The following THSD7B variants were observed in gnomAD, a reference collection of about 807,000 sequenced individuals.
THSD7B encodes thrombospondin type 1 domain containing 7B, also known as thrombospondin type-1 domain-containing protein 7B.
A neutral mutation model predicts 213.6 loss-of-function variants in THSD7B; 138 were observed. That is an observed-to-expected ratio of 0.65 (90% confidence interval 0.56 to 0.74). The LOEUF is 0.74. Among genes scored for constraint, THSD7B ranks in the 30% least tolerant of loss-of-function variants. The pLI, the probability that THSD7B is intolerant of heterozygous loss-of-function variation, is 0.00. For missense variants in THSD7B, 1,931 were observed against 1,991.5 expected, an observed-to-expected ratio of 0.97 and a Z score of 0.58; for synonymous variants, 742 against 687.0, an observed-to-expected ratio of 1.08 and a Z score of -1.25.
intron 9 of THSD7B, among the ~76,000 whole-genome samples, chr2:137,237,936 G>A (rs751416438): frequency 3.4e-4 from 52 of 152,150 alleles, no homozygotes; most frequent in Non-Finnish European, 6.5e-4. Flanking sequence ...AAAGCCCACA[G>A]TTCATTTCTT....
intron 3 of THSD7B, among the ~76,000 whole-genome samples, chr2:137,075,383 A>G (rs1266054078): frequency 1.3e-5 from 2 of 152,152 alleles, no homozygotes; most frequent in South Asian, 2.1e-4. Context: ...CGCATCAGCT[A>G]CTGAGGCTTC....
At chr2:137,067,345 C>T (rs1245441059) in intron 3 of THSD7B, among the ~76,000 whole-genome samples, 2 of 152,042 alleles carry the variant, frequency 1.3e-5, no homozygotes, top group Non-Finnish European at 2.9e-5. Context: ...CTTGGAGGTA[C>T]ACTGTGTTTG....
intron 2 of THSD7B, among the ~76,000 whole-genome samples, chr2:136,947,060 T>C (rs972949633): frequency 1.2e-4 from 18 of 152,076 alleles, no homozygotes; most frequent in Admixed American, 3.3e-4. Flanking sequence ...CACCCATCTT[T>C]TGCATCAATC....
intron 15 of THSD7B, among the ~76,000 whole-genome samples, chr2:137,464,974 T>C (rs1687963750): frequency 6.6e-6 from 1 of 152,072 alleles, no homozygotes; most frequent in Non-Finnish European, 1.5e-5. Flanking sequence ...TCCTTATCCT[T>C]TGTGGATGTT....
chr2:136,868,301 C>T (rs945175300), intron 1 of THSD7B, among the ~76,000 whole-genome samples: 3 of 152,170 alleles, frequency 2.0e-5, no homozygotes, highest in African/African-American at 7.2e-5. Context: ...ACACTCCATT[C>T]TTGTGCAAGG....
chr2:136,983,507 T>G (rs959188759), intron 2 of THSD7B, among the ~76,000 whole-genome samples: 3 of 151,908 alleles, frequency 2.0e-5, no homozygotes, highest in Non-Finnish European at 1.5e-5. Flanking sequence ...AATCTGTTTT[T>G]TTTTTTTTTT....
chr2:137,537,183 A>G (rs994336639), intron 15 of THSD7B, among the ~76,000 whole-genome samples: 1 of 151,798 alleles, frequency 6.6e-6, no homozygotes, highest in East Asian at 1.9e-4. Context: ...TAGCACAGAA[A>G]TCATTCTATA....
At chr2:137,122,547 G>T (rs1483104305) in intron 5 of THSD7B, among the ~76,000 whole-genome samples, 2 of 152,130 alleles carry the variant, frequency 1.3e-5, no homozygotes, top group Non-Finnish European at 2.9e-5. Context: ...CCATGAATAT[G>T]GGGGAGATGA....
chr2:137,494,455 A>AT lies in THSD7B; in HGVS notation c.3138+43433dup, dbSNP rs200669720. ...GGACAGAAAAAAAGAAATAAAGATG[A>AT]TAGTTAGCTGAGATCCTGTACCCTA... On this transcript the variant is annotated intron_variant, in intron 15 of 27. Transcript: ENST00000409968. Among the ~76,000 whole-genome samples the AT allele has an allele frequency of 6.8e-3, 1,036 of 152,238 alleles. 9 individuals carry two copies. The highest frequency in any genetic ancestry group is 0.024 in the African/African-American group (980 of 41,548).
At chr2:137,441,763 C>T (rs1687416790) in intron 14 of THSD7B, among the ~76,000 whole-genome samples, 2 of 151,978 alleles carry the variant, frequency 1.3e-5, no homozygotes, top group Non-Finnish European at 2.9e-5. Flanking sequence ...CTCATTTTGT[C>T]AATGTTATCC....
In THSD7B at chr2:137,230,596, A is replaced by G. The variant is rs527361757; in HGVS notation, c.1724-448A>G. Among the ~76,000 whole-genome samples the G allele has an allele frequency of 1.5e-3, 222 of 152,304 alleles. 1 individual carries two copies. The highest frequency in any genetic ancestry group is 2.3e-3 in the Non-Finnish European group (159 of 68,026). On this transcript the variant is annotated intron_variant, in intron 7 of 27. Transcript: ENST00000409968. ...AACAGTCATTGTGTGATAATATTGCATAAGGTTGCATATTTGGAGGTGAAT... is the reference window on the plus strand; with the variant it reads ...AACAGTCATTGTGTGATAATATTGCGTAAGGTTGCATATTTGGAGGTGAAT...
At chr2:137,637,256 G>A (rs1221237659) in intron 20 of THSD7B, among the ~76,000 whole-genome samples, 2 of 152,136 alleles carry the variant, frequency 1.3e-5, no homozygotes, top group African/African-American at 4.8e-5. Flanking sequence ...CCTCTTTATT[G>A]ATAACATCCA....
intron 26 of THSD7B, among the ~76,000 whole-genome samples, chr2:137,665,608 G>A (rs1464688054): frequency 4.6e-5 from 7 of 151,926 alleles, no homozygotes; most frequent in African/African-American, 1.7e-4. Context: ...TTATTTACCT[G>A]TCATATATTT....
chr2:137,090,104 AT>A (rs1687922238), intron 3 of THSD7B, among the ~76,000 whole-genome samples: 1 of 152,044 alleles, frequency 6.6e-6, no homozygotes, highest in Non-Finnish European at 1.5e-5. Flanking sequence ...AATTAAAAAA[AT>A]AAAAATTTAA....
At chr2:137,086,622 C>A (rs1325153212) in intron 3 of THSD7B, among the ~76,000 whole-genome samples, 1 of 152,114 alleles carries the variant, frequency 6.6e-6, no homozygotes, top group East Asian at 1.9e-4. Flanking sequence ...TCATTGATTC[C>A]AATTATTAGG....
chr2:137,003,714 T>G lies in THSD7B; in HGVS notation c.140-52706T>G, dbSNP rs76093267. ...AGCATCTATTTACTGTGTACCTATC[T>G]GTATTAGGCCTCTCCATGCATTTGC... On this transcript the variant is annotated intron_variant, in intron 2 of 27. Coordinates refer to ENST00000409968, the MANE Select transcript of THSD7B (RefSeq NM_001316349.2). Among the ~76,000 whole-genome samples, 25 of 152,256 alleles carry G rather than the reference T, an allele frequency of 1.6e-4. No individual in the cohort carries two copies. In the East Asian group the frequency reaches 4.6e-3, roughly 28 times the overall value.
chr2:136,805,717 GA>G (rs1356165894), intron 1 of THSD7B, among the ~76,000 whole-genome samples: 3 of 152,232 alleles, frequency 2.0e-5, no homozygotes, highest in Non-Finnish European at 4.4e-5. Context: ...GGGGCTGGGA[GA>G]AAAGTAAAAG....
Position 136,845,251 on chromosome 2 carries a change from G to A in THSD7B, c.-35-36893G>A, listed in dbSNP as rs376421032. On this transcript the variant is annotated intron_variant, in intron 1 of 27. Transcript: ENST00000409968. Reference sequence around the variant, plus strand: ...GATTGGAAGATATGAATAGCGTAGCGGTAAAGGGAGGCTTCTGGAAGACAT... The same window carrying A: ...GATTGGAAGATATGAATAGCGTAGCAGTAAAGGGAGGCTTCTGGAAGACAT... 2.6e-4 allele frequency among the ~76,000 whole-genome samples: 39 copies of A among 152,278 alleles called. 1 individual carries two copies. Among genetic ancestry groups the A allele is most frequent in the African/African-American group, 8.4e-4 (35 of 41,558 alleles).
intron 2 of THSD7B, among the ~76,000 whole-genome samples, chr2:137,021,756 C>T (rs1357322669): frequency 1.3e-5 from 2 of 152,164 alleles, no homozygotes; most frequent in Non-Finnish European, 2.9e-5. Context: ...ACTCACCATC[C>T]CTGACTCCTG....
Sources: gnomAD v4.1 joint callset for allele counts (sites outside exome capture counted in the v4.1 genomes callset) on GRCh38, gnomAD v4.1.1 for gene constraint, MANE v1.5 for transcripts, NCBI Gene and HGNC (gene_info 2026-07-23, HGNC 2026-07-21) for gene names.